Variants in PROX1 observed in about 807,000 individuals in gnomAD.
PROX1 encodes the protein prospero homeobox 1.
In PROX1, 7 loss-of-function variants were observed where a neutral mutation model predicts 58.8. The observed-to-expected ratio is 0.12, with a 90% confidence interval of 0.07 to 0.22. PROX1 has a LOEUF of 0.22. Among genes scored for constraint, PROX1 ranks in the 10% least tolerant of loss-of-function variants. The probability of loss-of-function intolerance (pLI) is 1.00; values close to 1 mark genes in which losing one functional copy is unlikely to be tolerated. For synonymous variants in PROX1, 350 were observed against 358.3 expected (o/e 0.98, Z 0.26); for missense variants, 675 against 927.8 (o/e 0.73, Z 3.54).
At chr1:214,033,610 T>C (rs1429995338) in intron 4 of PROX1, among the ~76,000 whole-genome samples, 1 of 152,070 alleles carries the variant, frequency 6.6e-6, no homozygotes, top group African/African-American at 2.4e-5. Flanking sequence ...ATAAATAAAT[T>C]AATAAATGCC....
chr1:213,993,167 A>T (rs1276739838), intron 1 of PROX1, among the ~76,000 whole-genome samples: 1 of 152,198 alleles, frequency 6.6e-6, no homozygotes, highest in Non-Finnish European at 1.5e-5. Flanking sequence ...CTCTATATAG[A>T]CTTTCACATT....
At chr1:213,989,063 C>T (rs987420261) in intron 1 of PROX1, among the ~76,000 whole-genome samples, 8 of 152,216 alleles carry the variant, frequency 5.3e-5, no homozygotes, top group Middle Eastern at 3.4e-3. Flanking sequence ...CCTTTCTTCC[C>T]GGCTCTTCCA....
intron 4 of PROX1, among the ~76,000 whole-genome samples, chr1:214,027,962 C>T (rs1664517621): frequency 6.6e-6 from 1 of 151,464 alleles, no homozygotes; most frequent in Admixed American, 6.6e-5. Flanking sequence ...TTAAGACAGC[C>T]TTGAACTATA....
In PROX1 at chr1:213,996,394, A is replaced by T. The variant is rs187895386; in HGVS notation, c.-67-75A>T. ...CCAGAGCCTATGCATTTTGCATTTG[A>T]TTCAGGATTGAGGTCAGGAAATTTG... On this transcript the variant is annotated intron_variant, in intron 1 of 4. Transcript: ENST00000366958. The T allele has an allele frequency of 1.2e-5, 12 of 975,932 alleles. No individual in the cohort carries two copies. In the African/African-American group the frequency reaches 1.8e-4, roughly 15 times the overall value. The allele number at this position is 975,932 out of a possible 1,614,324, so 60.5% of individuals were successfully genotyped here.
At chr1:213,992,528 G>T (rs576218613) in intron 1 of PROX1, among the ~76,000 whole-genome samples, 1 of 152,048 alleles carries the variant, frequency 6.6e-6, no homozygotes, top group Non-Finnish European at 1.5e-5. Context: ...CTTTGTTAAT[G>T]ATATCCTATT....
At chr1:214,006,300 C>T (rs1219741023) in intron 3 of PROX1, among the ~76,000 whole-genome samples, 3 of 152,118 alleles carry the variant, frequency 2.0e-5, no homozygotes, top group Non-Finnish European at 4.4e-5. Flanking sequence ...TTCATTGGCC[C>T]CATTTTGCAG....
At chr1:214,018,138 G>A (rs1664158833) in intron 4 of PROX1, among the ~76,000 whole-genome samples, 2 of 152,198 alleles carry the variant, frequency 1.3e-5, no homozygotes, top group South Asian at 4.1e-4. Flanking sequence ...CTTGTTCGAA[G>A]TTGGCCACCC....
intron 2 of PROX1, among the ~76,000 whole-genome samples, chr1:214,003,768 A>T (rs1274486742): frequency 6.6e-6 from 1 of 152,258 alleles, no homozygotes; most frequent in Non-Finnish European, 1.5e-5. Flanking sequence ...ATTTGGTTAA[A>T]CACCCTGTTA....
intron 1 of PROX1, among the ~76,000 whole-genome samples, chr1:213,991,076 T>C (rs1218577436): frequency 2.0e-5 from 3 of 152,158 alleles, no homozygotes; most frequent in Non-Finnish European, 2.9e-5. Flanking sequence ...ATTTTTTGTG[T>C]GTGTTGAGGG....
intron 3 of PROX1, among the ~76,000 whole-genome samples, chr1:214,010,860 T>G (rs549179309): frequency 6.6e-6 from 1 of 152,240 alleles, no homozygotes; most frequent in South Asian, 2.1e-4. Context: ...ATGGGTCTTA[T>G]CCAATGCTGG....
chr1:214,040,729 C>T lies in PROX1; in HGVS notation c.*4895C>T, dbSNP rs1664983175. The stretch of plus-strand genomic sequence containing the variant: ...CTTTGATTTGAATATAGTACAATAA[C>T]TGAACTGATAAAGTCAATTTTTGAT... On this transcript the variant is annotated 3_prime_UTR_variant, in exon 5 of 5. Coordinates refer to ENST00000366958, the MANE Select transcript of PROX1 (RefSeq NM_001270616.2). 1 of 152,062 alleles carries T rather than the reference C, an allele frequency of 6.6e-6. No individual in the cohort carries two copies. Among genetic ancestry groups the T allele is most frequent in the Non-Finnish European group, 1.5e-5 (1 of 67,982 alleles). The allele number at this position is 152,062 out of a possible 1,614,324, so 9.4% of individuals were successfully genotyped here. A position where few individuals can be genotyped will look rare whatever the true frequency, so the allele number is the denominator to read the frequency against.
intron 4 of PROX1, among the ~76,000 whole-genome samples, chr1:214,028,410 A>T (rs1664532267): frequency 6.6e-6 from 1 of 152,204 alleles, no homozygotes; most frequent in Non-Finnish European, 1.5e-5. Context: ...TTCAGCTACG[A>T]ACAGTGCAGA....
chr1:214,040,314 G>C lies in PROX1; in HGVS notation c.*4480G>C, dbSNP rs1664968732. ...TAAGAATATAACAGAATGTGGAAGT[G>C]TCTGGACTTTGAGTCTTTTCAACTG... On this transcript the variant is annotated 3_prime_UTR_variant, in exon 5 of 5. Transcript: ENST00000366958. The C allele has an allele frequency of 1.3e-5, 2 of 152,162 alleles. No homozygotes were observed. The highest frequency in any genetic ancestry group is 4.1e-4 in the South Asian group (2 of 4,830). The allele number at this position is 152,162 out of a possible 1,614,324, so 9.4% of individuals were successfully genotyped here. A position where few individuals can be genotyped will look rare whatever the true frequency, so the allele number is the denominator to read the frequency against.
In PROX1 at chr1:214,004,877, C is replaced by T. The variant is rs764055564; in HGVS notation, c.1726-288C>T. Among the ~76,000 whole-genome samples, 11 of 152,276 alleles carry T rather than the reference C, an allele frequency of 7.2e-5. No homozygotes were observed. The South Asian group carries it at 8.3e-4, about 11-fold the overall frequency. On this transcript the variant is annotated intron_variant, in intron 2 of 4. Transcript: ENST00000366958. ...ACAAGTGAATGTATAGATAGCCTAC[C>T]GACCTAAAGCAAGGAAAATATTTTG...
chr1:214,039,598 T>G lies in PROX1; in HGVS notation c.*3764T>G, dbSNP rs1409859089. The G allele has an allele frequency of 6.6e-6, 1 of 152,242 alleles. No homozygotes were observed. Among genetic ancestry groups the G allele is most frequent in the East Asian group, 1.9e-4 (1 of 5,208 alleles). The allele number at this position is 152,242 out of a possible 1,614,324, so 9.4% of individuals were successfully genotyped here. A position where few individuals can be genotyped will look rare whatever the true frequency, so the allele number is the denominator to read the frequency against. ...TTCTCACGACATCTGTTGAATTTACTAGGAACACTACAGTGACTGTATAGA... is the reference window on the plus strand; with the variant it reads ...TTCTCACGACATCTGTTGAATTTACGAGGAACACTACAGTGACTGTATAGA... On this transcript the variant is annotated 3_prime_UTR_variant, in exon 5 of 5. Coordinates refer to ENST00000366958, the MANE Select transcript of PROX1 (RefSeq NM_001270616.2).
At position 214,037,509 on chromosome 1, in the gene PROX1, A is replaced by G. The variant is rs1664866240; in HGVS notation, c.*1675A>G. 2 of 152,336 alleles carry G rather than the reference A, an allele frequency of 1.3e-5. No individual in the cohort carries two copies. The highest frequency in any genetic ancestry group is 3.9e-4 in the East Asian group (2 of 5,184). The allele number at this position is 152,336 out of a possible 1,614,324, so 9.4% of individuals were successfully genotyped here. On this transcript the variant is annotated 3_prime_UTR_variant, in exon 5 of 5. Coordinates refer to ENST00000366958, the MANE Select transcript of PROX1 (RefSeq NM_001270616.2). ...TTAACGTCATTTATAAATTCTGCTG[A>G]TGGACAGGAATGTATGAACTCAATT... is the stretch of plus-strand genomic sequence containing the variant.
chr1:214,017,687 C>T (rs1476751646), intron 4 of PROX1, among the ~76,000 whole-genome samples: 1 of 151,918 alleles, frequency 6.6e-6, no homozygotes, highest in Non-Finnish European at 1.5e-5. Flanking sequence ...ACCTCCCGCA[C>T]CCCCCCACAA....
In PROX1 at chr1:214,035,804, G is replaced by A. The variant is rs1259640481; in HGVS notation, c.2184G>A (p.Pro728=). Residue 728 remains proline (P), a synonymous_variant, in exon 5 of 5, where the codon CCG becomes CCA. Transcript: ENST00000366958. ...DSEVPEIFKS[P]NCLQELLHE is the part of the protein sequence containing the mutation. ...AAGTCCCTGAGATTTTCAAATCCCC[G>A]AACTGCCTACAAGAGCTGCTTCATG... The A allele has an allele frequency of 6.2e-6, 10 of 1,613,480 alleles. No homozygotes were observed. The highest frequency in any genetic ancestry group is 2.7e-5 in the African/African-American group (2 of 74,892).
At chr1:214,019,732 C>T (rs1052571225) in intron 4 of PROX1, among the ~76,000 whole-genome samples, 21 of 152,178 alleles carry the variant, frequency 1.4e-4, no homozygotes, top group Admixed American at 3.3e-4. Context: ...GGCACATCTG[C>T]AGAGCCCAAG....
Sources: allele counts gnomAD v4.1 joint callset (sites outside exome capture counted in the v4.1 genomes callset), GRCh38; gene constraint gnomAD v4.1.1; transcripts MANE v1.5; gene names NCBI Gene and HGNC (gene_info 2026-07-23, HGNC 2026-07-21).